Variants in RORA observed in about 807,000 individuals in gnomAD.
RORA encodes RAR related orphan receptor A, also known as nuclear receptor ROR-alpha.
A neutral mutation model predicts 69.5 loss-of-function variants in RORA; 7 were observed. The ratio of observed to expected loss-of-function variants is 0.10; its 90% CI spans 0.06 to 0.19. The LOEUF (loss-of-function observed/expected upper bound fraction) is 0.19. RORA is among the 10% of genes least tolerant of loss of function. The pLI, the probability that RORA is intolerant of heterozygous loss-of-function variation, is 1.00. For missense variants in RORA, 457 were observed against 663.0 expected (o/e 0.69, Z 3.41); for synonymous variants, 261 against 240.8 (o/e 1.08, Z -0.78).
intron 1 of RORA, among the ~76,000 whole-genome samples, chr15:61,156,895 T>G (rs1213391594): frequency 6.6e-6 from 1 of 152,212 alleles, no homozygotes; most frequent in Non-Finnish European, 1.5e-5. Context: ...CAATACCATC[T>G]ATCTTTTGTA....
chr15:61,125,820 G>T (rs140141511), intron 1 of RORA, among the ~76,000 whole-genome samples: 270 of 152,092 alleles, frequency 1.8e-3, no homozygotes, highest in Middle Eastern at 0.01. Flanking sequence ...GAATAAAATC[G>T]GTTCCATTAG....
At chr15:60,985,502 A>G (rs1410735640) in intron 1 of RORA, among the ~76,000 whole-genome samples, 1 of 151,796 alleles carries the variant, frequency 6.6e-6, no homozygotes, top group Non-Finnish European at 1.5e-5. Context: ...CAAAAGCCAT[A>G]ATTCTGTTTG....
At chr15:61,220,757 T>G (rs2080088172) in intron 1 of RORA, among the ~76,000 whole-genome samples, 1 of 152,226 alleles carries the variant, frequency 6.6e-6, no homozygotes, top group South Asian at 2.1e-4. Flanking sequence ...TCTCGACAAG[T>G]TCGTCATAAC....
intron 1 of RORA, among the ~76,000 whole-genome samples, chr15:60,780,387 G>C (rs112871375): frequency 1.3e-5 from 2 of 152,306 alleles, no homozygotes; most frequent in African/African-American, 4.8e-5. Context: ...GCCCAGTGTA[G>C]ACAGTGAACA....
intron 1 of RORA, among the ~76,000 whole-genome samples, chr15:61,122,821 G>A (rs567055259): frequency 2.6e-5 from 4 of 152,180 alleles, no homozygotes; most frequent in Non-Finnish European, 2.9e-5. Flanking sequence ...TGTAAGCTAC[G>A]CCATCCTCTC....
intron 1 of RORA, among the ~76,000 whole-genome samples, chr15:60,995,043 C>T (rs145080942): frequency 2.3e-4 from 35 of 151,518 alleles, no homozygotes; most frequent in East Asian, 5.8e-4. Flanking sequence ...TGGCTCTCGC[C>T]GCATAAAGGA....
intron 1 of RORA, among the ~76,000 whole-genome samples, chr15:60,885,019 C>G (rs769573421): frequency 3.9e-5 from 6 of 152,156 alleles, no homozygotes; most frequent in Non-Finnish European, 8.8e-5. Context: ...TTAAAAGCAG[C>G]CTTTTCATTT....
At chr15:60,636,202 G>A (rs967081530) in intron 2 of RORA, among the ~76,000 whole-genome samples, 1 of 152,122 alleles carries the variant, frequency 6.6e-6, no homozygotes, top group Admixed American at 6.5e-5. Flanking sequence ...ACAAGAAACC[G>A]ATGTTCTTCA....
At chr15:60,760,100 G>C (rs980350824) in intron 1 of RORA, among the ~76,000 whole-genome samples, 2 of 151,472 alleles carry the variant, frequency 1.3e-5, no homozygotes, top group African/African-American at 4.9e-5. Flanking sequence ...TTTTTTAAAA[G>C]GTTTTAATTT....
chr15:61,033,994 CAAA>C (rs974703979), intron 1 of RORA, among the ~76,000 whole-genome samples: 3 of 152,130 alleles, frequency 2.0e-5, no homozygotes, highest in Admixed American at 2.0e-4. Flanking sequence ...GCTGCATTAT[CAAA>C]CTTAATTTCA....
chr15:60,524,347 C>G (rs2066276578), intron 3 of RORA, among the ~76,000 whole-genome samples: 1 of 152,232 alleles, frequency 6.6e-6, no homozygotes, highest in African/African-American at 2.4e-5. Flanking sequence ...AGTCACTTCT[C>G]TGCTGATGAG....
At chr15:60,859,651 C>CTTTTTTTTTTTT (rs1208480913) in intron 1 of RORA, among the ~76,000 whole-genome samples, 5 of 96,422 alleles carry the variant, frequency 5.2e-5, no homozygotes, top group African/African-American at 8.0e-5. Flanking sequence ...TTCTTTCTTT[C>CTTTTTTTTTTTT]TTTCTTTTTT....
chr15:60,847,458 G>C (rs1428307946), intron 1 of RORA, among the ~76,000 whole-genome samples: 1 of 152,088 alleles, frequency 6.6e-6, no homozygotes, highest in Non-Finnish European at 1.5e-5. Flanking sequence ...GCTGATGGGA[G>C]TGACAGGTGG....
chr15:60,714,655 G>A (rs757297291), intron 1 of RORA, among the ~76,000 whole-genome samples: 10 of 152,076 alleles, frequency 6.6e-5, no homozygotes, highest in Non-Finnish European at 1.2e-4. Flanking sequence ...GTGAGCCACC[G>A]TGCCTGGTCA....
chr15:60,951,489 A>G (rs1314058646), intron 1 of RORA, among the ~76,000 whole-genome samples: 1 of 151,546 alleles, frequency 6.6e-6, no homozygotes, highest in African/African-American at 2.4e-5. Flanking sequence ...CAAAAAATTA[A>G]GGAATCCAGG....
chr15:60,516,265 A>ATATATATATATTTC (rs2065955798), intron 3 of RORA, among the ~76,000 whole-genome samples: 1 of 95,624 alleles, frequency 1.0e-5, no homozygotes, highest in Admixed American at 1.8e-4. Flanking sequence ...ATATATATTT[A>ATATATATATATTTC]TATATTTTTT....
intron 2 of RORA, among the ~76,000 whole-genome samples, chr15:60,622,441 G>A (rs1486989469): frequency 6.6e-6 from 1 of 151,858 alleles, no homozygotes; most frequent in African/African-American, 2.4e-5. Context: ...GTGAAACCCC[G>A]TCTTTACTAA....
At chr15:60,633,030 A>G (rs1342216531) in intron 2 of RORA, among the ~76,000 whole-genome samples, 8 of 152,216 alleles carry the variant, frequency 5.3e-5, no homozygotes, top group Non-Finnish European at 7.3e-5. Context: ...CAATACCCCA[A>G]AAGTAGGAAG....
chr15:60,884,546 G>C (rs181028773), intron 1 of RORA, among the ~76,000 whole-genome samples: 2 of 152,246 alleles, frequency 1.3e-5, no homozygotes, highest in South Asian at 2.1e-4. Flanking sequence ...TATGGAGAGA[G>C]AGCAAAAGAA....
Sources: gnomAD v4.1 joint callset for allele counts (sites outside exome capture counted in the v4.1 genomes callset) on GRCh38, gnomAD v4.1.1 for gene constraint, MANE v1.5 for transcripts, NCBI Gene and HGNC (gene_info 2026-07-23, HGNC 2026-07-21) for gene names.